KCNT2: variants seen among roughly 807,000 people sequenced by gnomAD.
KCNT2 encodes potassium sodium-activated channel subfamily T member 2.
KCNT2 carries 67 observed loss-of-function variants against 153.8 expected under a neutral mutation model. The observed-to-expected ratio is 0.44, with a 90% CI of 0.36 to 0.53. The LOEUF (loss-of-function observed/expected upper bound fraction) is 0.53. Ranked by LOEUF, KCNT2 falls within the 20% of genes least tolerant of loss-of-function variation. The pLI is 0.00. For synonymous variants in KCNT2, 500 were observed against 458.8 expected, an observed-to-expected ratio of 1.09 and a Z score of -1.15; for missense variants, 975 against 1,354.8, an observed-to-expected ratio of 0.72 and a Z score of 4.40.
At chr1:196,490,851 G>A (rs986038386) in intron 2 of KCNT2, among the ~76,000 whole-genome samples, 1 of 151,810 alleles carries the variant, frequency 6.6e-6, no homozygotes, top group Non-Finnish European at 1.5e-5. Flanking sequence ...TTTGATAAAG[G>A]CCTTCCTATA....
At chr1:196,271,409 A>G (rs1658053512) in intron 25 of KCNT2, among the ~76,000 whole-genome samples, 1 of 152,032 alleles carries the variant, frequency 6.6e-6, no homozygotes, top group Admixed American at 6.6e-5. Flanking sequence ...TAAGTACAAG[A>G]ATGATCTTTA....
chr1:196,319,333 A>G (rs1663049775), intron 20 of KCNT2, 151 bp downstream of exon 20: 2 of 444,420 alleles, frequency 4.5e-6, no homozygotes, highest in East Asian at 3.4e-5. Context: ...TACAAGATGT[A>G]TAACACGAGA....
At chr1:196,390,021 C>A (rs147916872) in intron 13 of KCNT2, among the ~76,000 whole-genome samples, 86 of 151,426 alleles carry the variant, frequency 5.7e-4, no homozygotes, top group African/African-American at 1.9e-3. Context: ...ACATGTGTGA[C>A]CTAATACTCA....
intron 1 of KCNT2, among the ~76,000 whole-genome samples, chr1:196,560,752 A>G (rs193294233): frequency 7.2e-5 from 11 of 152,016 alleles, no homozygotes; most frequent in Admixed American, 6.6e-4. Context: ...CACCCCAACT[A>G]CCAGGTAAAG....
chr1:196,248,290 A>G (rs762303503), intron 26 of KCNT2, among the ~76,000 whole-genome samples: 5 of 152,096 alleles, frequency 3.3e-5, no homozygotes, highest in Non-Finnish European at 5.9e-5. Context: ...AAAAGAAACA[A>G]TAAAGGTATG....
intron 7 of KCNT2, among the ~76,000 whole-genome samples, chr1:196,466,326 T>C (rs1283628086): frequency 1.3e-5 from 2 of 152,028 alleles, no homozygotes; most frequent in Non-Finnish European, 1.5e-5. Context: ...GACAGCCCAA[T>C]GTTTCTGCAA....
intron 8 of KCNT2, among the ~76,000 whole-genome samples, chr1:196,450,758 C>T (rs1295091597): frequency 6.6e-6 from 1 of 151,992 alleles, no homozygotes; most frequent in Admixed American, 6.6e-5. Context: ...CTTGTCTCCC[C>T]ACAGCCTGTT....
At chr1:196,414,061 A>G (rs558912019) in intron 12 of KCNT2, among the ~76,000 whole-genome samples, 1 of 151,822 alleles carries the variant, frequency 6.6e-6, no homozygotes, top group Admixed American at 6.6e-5. Context: ...CAAAAGCTGT[A>G]CCATACCAAG....
At chr1:196,519,210 G>A (rs777588526) in intron 1 of KCNT2, among the ~76,000 whole-genome samples, 13 of 152,084 alleles carry the variant, frequency 8.5e-5, no homozygotes, top group Non-Finnish European at 1.9e-4. Context: ...AGTAAACAAT[G>A]AAATTAAGGC....
chr1:196,553,112 GAC>G (rs1558070369), intron 1 of KCNT2, among the ~76,000 whole-genome samples: 1 of 150,976 alleles, frequency 6.6e-6, no homozygotes, highest in Non-Finnish European at 1.5e-5. Context: ...CTGGTCAAAA[GAC>G]ACAGAGTGCC....
chr1:196,546,321 T>C (rs1382594188), intron 1 of KCNT2, among the ~76,000 whole-genome samples: 1 of 152,126 alleles, frequency 6.6e-6, no homozygotes, highest in Non-Finnish European at 1.5e-5. Flanking sequence ...CACGCATACA[T>C]TTGGTGTTAC....
At chr1:196,238,875 T>C (rs1010095875) in intron 26 of KCNT2, among the ~76,000 whole-genome samples, 3 of 151,900 alleles carry the variant, frequency 2.0e-5, no homozygotes, top group Non-Finnish European at 2.9e-5. Context: ...TAAAAGCCTA[T>C]TGCAGTCACA....
At chr1:196,523,644 T>C (rs963127946) in intron 1 of KCNT2, among the ~76,000 whole-genome samples, 4 of 152,142 alleles carry the variant, frequency 2.6e-5, no homozygotes, top group African/African-American at 9.7e-5. Flanking sequence ...GACCAGAATT[T>C]CAAGAAAAAC....
Position 196,322,834 on chromosome 1 carries a change from A to G in KCNT2, c.2277-3279T>C, listed in dbSNP as rs79854112. On this transcript the variant is annotated intron_variant, in intron 19 of 27. Coordinates refer to ENST00000294725, the MANE Select transcript of KCNT2 (RefSeq NM_198503.5). Reference sequence around the variant, plus strand: ...TAAGTACTTTATTCCTTGCTAGACAATATGAAAGTAGTTTAATTTTAGCTA... The same window carrying G: ...TAAGTACTTTATTCCTTGCTAGACAGTATGAAAGTAGTTTAATTTTAGCTA... Among the ~76,000 whole-genome samples, 1,219 of 152,024 alleles carry G rather than the reference A, an allele frequency of 8.0e-3. 4 individuals carry two copies. The highest frequency in any genetic ancestry group is 0.013 in the Non-Finnish European group (867 of 67,850).
rs995679775 is a variant in KCNT2, at chr1:196,342,681, T to A, written c.1404-453A>T. 2.0e-5 allele frequency among the ~76,000 whole-genome samples: 3 copies of A among 152,016 alleles called. No homozygotes were observed. The South Asian group carries it at 6.2e-4, about 31-fold the overall frequency. On this transcript the variant is annotated intron_variant, in intron 14 of 27. Transcript: ENST00000294725. ...CTGCGTGGCTGCTGTAGGTATTTTATTTTGCTTTATACTTAAAATTACAAA... is the reference window on the plus strand; with the variant it reads ...CTGCGTGGCTGCTGTAGGTATTTTAATTTGCTTTATACTTAAAATTACAAA...
chr1:196,586,724 ACAAC>A (rs1483255232), intron 1 of KCNT2, among the ~76,000 whole-genome samples: 13 of 151,792 alleles, frequency 8.6e-5, no homozygotes, highest in African/African-American at 3.2e-4. Flanking sequence ...ATTAAAAAAA[ACAAC>A]AACAACAACT....
At chr1:196,452,369 TC>T (rs1213759643) in intron 8 of KCNT2, among the ~76,000 whole-genome samples, 1 of 151,976 alleles carries the variant, frequency 6.6e-6, no homozygotes, top group East Asian at 1.9e-4. Context: ...TTAGTCACCA[TC>T]AAAGTCTAAA....
intron 8 of KCNT2, among the ~76,000 whole-genome samples, chr1:196,463,426 AGTT>A (rs1250192955): frequency 6.6e-6 from 1 of 151,792 alleles, no homozygotes. Flanking sequence ...TATCCATTTG[AGTT>A]ATTATAATTT....
rs531835078 is a variant in KCNT2 at position 196,327,309 on chromosome 1, C to T, written c.2104-420G>A. On this transcript the variant is annotated intron_variant, in intron 18 of 27. Transcript: ENST00000294725. ...GCTTAAAGCGATGAAGAAAATAAAA[C>T]AGTGAAAAAAAAAACCAAAAAACAA... 3.3e-5 allele frequency among the ~76,000 whole-genome samples: 5 copies of T among 150,656 alleles called. No homozygotes were observed. In the South Asian group the frequency reaches 8.4e-4, roughly 25 times the overall value.
Sources: gnomAD v4.1 joint callset for allele counts (sites outside exome capture counted in the v4.1 genomes callset) on GRCh38, gnomAD v4.1.1 for gene constraint, MANE v1.5 for transcripts, NCBI Gene and HGNC (gene_info 2026-07-23, HGNC 2026-07-21) for gene names.